Variants in MDN1 observed in about 807,000 individuals in gnomAD.
MDN1 encodes midasin.
MDN1 carries 266 observed loss-of-function variants against 669.2 expected under a neutral mutation model. The observed-to-expected ratio is 0.40, with a 90% confidence interval of 0.36 to 0.44. The LOEUF is 0.44. MDN1 is among the 20% of genes least tolerant of loss of function. The probability of loss-of-function intolerance (pLI) is 1.00; values close to 1 mark genes in which losing one functional copy is unlikely to be tolerated. For missense variants in MDN1, 5,940 were observed against 6,754.0 expected (o/e 0.88, Z 4.22); for synonymous variants, 2,385 against 2,457.1 (o/e 0.97, Z 0.87).
At chr6:89,670,163 TATA>T (rs1210016753) in intron 83 of MDN1, among the ~76,000 whole-genome samples, 104 of 30,032 alleles carry the variant, frequency 3.5e-3, no homozygotes, top group Non-Finnish European at 4.3e-3. Flanking sequence ...TATATATATA[TATA>T]TATATTTTTT....
intron 1 of MDN1, among the ~76,000 whole-genome samples, chr6:89,810,756 C>T (rs1490494257): frequency 1.3e-5 from 2 of 151,888 alleles, no homozygotes; most frequent in East Asian, 3.9e-4. Flanking sequence ...CCAGCACTCT[C>T]GGAGGCTGAG....
At chr6:89,756,469 A>C (rs529132784) in intron 19 of MDN1, 79 bp from the exon 20 acceptor site, 2 of 672,910 alleles carry the variant, frequency 3.0e-6, no homozygotes, top group South Asian at 2.2e-5. Context: ...GAAACAGAAG[A>C]AGCTATGTCA....
Position 89,819,618 on chromosome 6 carries a change from C to G in MDN1, c.-11G>C, listed in dbSNP as rs377169370. 2 of 1,599,334 alleles carry G rather than the reference C, an allele frequency of 1.3e-6. No homozygotes were observed. The highest frequency in any genetic ancestry group is 2.7e-5 in the African/African-American group (2 of 74,898). On this transcript the variant is annotated 5_prime_UTR_variant, in exon 1 of 102. Transcript: ENST00000369393. ...CAAGAAGTGCTCCATGACCCAGGGC[C>G]CTCACCCCGAGCGGCCACCTGCGCT...
intron 9 of MDN1, among the ~76,000 whole-genome samples, chr6:89,782,222 A>G (rs1818709532): frequency 6.6e-6 from 1 of 152,252 alleles, no homozygotes; most frequent in Non-Finnish European, 1.5e-5. Context: ...TAAAGAATTT[A>G]TTCATTAAAG....
At chr6:89,740,122 C>T (rs892592159) in intron 32 of MDN1, 112 bp downstream of exon 32, 24 of 1,240,866 alleles carry the variant, frequency 1.9e-5, no homozygotes, top group South Asian at 6.2e-5. Flanking sequence ...CACTTTTTAC[C>T]CACTTTTTAC....
At chr6:89,743,001 G>A in intron 31 of MDN1, 149 bp downstream of exon 31, 1 of 891,244 alleles carries the variant, frequency 1.1e-6, no homozygotes, top group South Asian at 1.9e-5. Context: ...TCAATCACCT[G>A]AGCCCAGAAG....
At chr6:89,716,863 A>G in intron 43 of MDN1, 54 bp from the exon 44 acceptor site, 2 of 1,473,590 alleles carry the variant, frequency 1.4e-6, no homozygotes, top group South Asian at 1.4e-5. Context: ...TCAAACAAAG[A>G]ATTAAGTTTA....
At position 89,662,190 on chromosome 6, in the gene MDN1, G is replaced by A. The variant is rs1809830926; in HGVS notation, c.14462C>T (p.Ser4821Leu). The change falls in exon 87 of 102, where the codon TCA (serine) becomes TTA (leucine). Residue 4821 changes from serine (S) to leucine (L), a missense_variant. Around this residue, in one of 5 missense-constraint regions of MDN1, gnomAD observed 2,280 missense variants for 2,576.3 expected, o/e 0.88. Coordinates refer to ENST00000369393, the MANE Select transcript of MDN1 (RefSeq NM_014611.3). Reference sequence around the variant, plus strand: ...ATCTTGCTGGCTTTTATCTTTGTTTGAATTGCCACTATCCAAGTTGTCATC... The same window carrying A: ...ATCTTGCTGGCTTTTATCTTTGTTTAAATTGCCACTATCCAAGTTGTCATC... ...AKDDNLDSGNSNKDKSQQDKK... is the reference protein window; with the variant it reads ...AKDDNLDSGNLNKDKSQQDKK... The A allele has an allele frequency of 6.2e-7, 1 of 1,613,566 alleles. No homozygotes were observed. The highest frequency in any genetic ancestry group is 8.5e-7 in the Non-Finnish European group (1 of 1,179,906).
intron 98 of MDN1, 31 bp from the exon 99 acceptor site, chr6:89,648,177 G>C: frequency 6.2e-7 from 1 of 1,607,208 alleles, no homozygotes; most frequent in East Asian, 2.2e-5. Flanking sequence ...TACAACAGGA[G>C]TTATTTTTTG....
At chr6:89,666,590 C>T (rs1275895300) in intron 84 of MDN1, among the ~76,000 whole-genome samples, 1 of 152,038 alleles carries the variant, frequency 6.6e-6, no homozygotes, top group Non-Finnish European at 1.5e-5. Flanking sequence ...GCCTTGGTCT[C>T]CCAAAGTGCT....
intron 36 of MDN1, among the ~76,000 whole-genome samples, chr6:89,728,668 T>TAATAATACAAA (rs2128314649): frequency 6.6e-6 from 1 of 152,170 alleles, no homozygotes; most frequent in South Asian, 2.1e-4. Flanking sequence ...CTGTCTCTAA[T>TAATAATACAAA]AATAATACAA....
chr6:89,699,460 C>T, intron 58 of MDN1, 141 bp downstream of exon 58: 1 of 850,474 alleles, frequency 1.2e-6, no homozygotes, highest in Non-Finnish European at 1.7e-6. Flanking sequence ...AAATTCTTCC[C>T]TTTAAGAGGC....
intron 27 of MDN1, among the ~76,000 whole-genome samples, chr6:89,746,082 G>A (rs1419061762): frequency 6.6e-6 from 1 of 152,134 alleles, no homozygotes; most frequent in Non-Finnish European, 1.5e-5. Flanking sequence ...CATACTGCAT[G>A]GTGTCAGCTA....
chr6:89,695,770 G>A lies in MDN1; in HGVS notation c.9606C>T (p.His3202=), dbSNP rs115404561. 1.9e-6 allele frequency: 3 copies of A among 1,613,558 alleles called. No homozygotes were observed. The highest frequency in any genetic ancestry group is 2.7e-5 in the African/African-American group (2 of 74,930). ...TACTCTCCCCTTCACCAACAAAGTG[G>A]TGCAGGGAGGTGAGCAACTGGCAGA... ...ELLCQLLTSL[H]HFVGEGESKR... is the part of the protein sequence containing the mutation. Residue 3202 remains histidine, a synonymous_variant, in exon 61 of 102, where the codon CAC becomes CAT. Transcript: ENST00000369393. This position sits in a 1 kb window ranked among gnomAD's most constrained non-coding sequence, Gnocchi z 4.1.
intron 19 of MDN1, among the ~76,000 whole-genome samples, chr6:89,756,739 G>A (rs1299086981): frequency 3.3e-5 from 5 of 152,026 alleles, no homozygotes; most frequent in Non-Finnish European, 7.4e-5. Flanking sequence ...TGGCTAACAT[G>A]GTGAAACCCC....
intron 32 of MDN1, among the ~76,000 whole-genome samples, chr6:89,739,963 T>C (rs1022300164): frequency 6.6e-6 from 1 of 152,220 alleles, no homozygotes; most frequent in East Asian, 1.9e-4. Flanking sequence ...GTGAGCTTTC[T>C]CAGGGTAACA....
chr6:89,654,838 T>G (rs1809139056), intron 92 of MDN1, among the ~76,000 whole-genome samples: 1 of 152,174 alleles, frequency 6.6e-6, no homozygotes, highest in African/African-American at 2.4e-5. Flanking sequence ...CCTCACACTG[T>G]ACCCCACAAA....
chr6:89,813,566 A>C (rs1385513120), intron 1 of MDN1, among the ~76,000 whole-genome samples: 2 of 150,758 alleles, frequency 1.3e-5, no homozygotes, highest in Admixed American at 1.3e-4. Flanking sequence ...AAAAAAAAAA[A>C]CAAAAAAGAA....
intron 63 of MDN1, among the ~76,000 whole-genome samples, chr6:89,691,693 G>A (rs1462319984): frequency 6.6e-6 from 1 of 152,092 alleles, no homozygotes; most frequent in Non-Finnish European, 1.5e-5. Context: ...AGAATAACAG[G>A]AAAATAATCA....
Sources: allele counts gnomAD v4.1 joint callset (sites outside exome capture counted in the v4.1 genomes callset), GRCh38; gene constraint gnomAD v4.1.1; regional missense constraint gnomAD v4.1.1; non-coding constraint Gnocchi (gnomAD v3.1); transcripts MANE v1.5; gene names NCBI Gene and HGNC (gene_info 2026-07-23, HGNC 2026-07-21).